Variants in PAM observed in about 807,000 individuals in gnomAD.
PAM encodes the protein peptidylglycine alpha-amidating monooxygenase.
PAM carries 72 observed loss-of-function variants against 122.1 expected under a neutral mutation model. The observed-to-expected ratio is 0.59, with a 90% CI of 0.49 to 0.72. The LOEUF is 0.72. PAM is among the 30% of genes least tolerant of loss of function. The probability of loss-of-function intolerance (pLI) is 0.00; values close to 1 mark genes in which losing one functional copy is unlikely to be tolerated. For missense variants in PAM, 1,106 were observed against 1,183.7 expected (o/e 0.93, Z 0.96); for synonymous variants, 389 against 404.4 (o/e 0.96, Z 0.46).
intron 1 of PAM, among the ~76,000 whole-genome samples, chr5:102,826,990 A>G (rs1389203628): frequency 6.6e-6 from 1 of 152,220 alleles, no homozygotes; most frequent in Admixed American, 6.5e-5. Context: ...ACTTTTAAAG[A>G]AAAGAATGCT....
chr5:102,974,506 G>GAATA, intron 15 of PAM, 70 bp downstream of exon 15: 1 of 995,918 alleles, frequency 1.0e-6, no homozygotes, highest in Non-Finnish European at 1.5e-6. Flanking sequence ...AACCTGAAGG[G>GAATA]AATAAGAATT....
At chr5:102,975,842 T>TC (rs1212685070) in intron 15 of PAM, among the ~76,000 whole-genome samples, 2 of 152,218 alleles carry the variant, frequency 1.3e-5, no homozygotes, top group Admixed American at 6.5e-5. Context: ...CTTTATTTAT[T>TC]CCATGACTTG....
At chr5:102,946,134 A>T (rs1023283917) in intron 7 of PAM, among the ~76,000 whole-genome samples, 6 of 152,122 alleles carry the variant, frequency 3.9e-5, no homozygotes, top group Non-Finnish European at 8.8e-5. Context: ...CACACCAAAC[A>T]CTGAGGCTGA....
At chr5:102,786,599 A>G (rs1041914790) in intron 1 of PAM, among the ~76,000 whole-genome samples, 1 of 152,144 alleles carries the variant, frequency 6.6e-6, no homozygotes, top group African/African-American at 2.4e-5. Context: ...TCATGGAGAA[A>G]ATGGAGAAAG....
intron 1 of PAM, among the ~76,000 whole-genome samples, chr5:102,860,392 C>T (rs1783849198): frequency 6.6e-6 from 1 of 152,100 alleles, no homozygotes. Flanking sequence ...GGGCAGAAAG[C>T]AAGGAAATGT....
At chr5:102,892,958 A>G (rs1279115299) in intron 3 of PAM, among the ~76,000 whole-genome samples, 2 of 151,816 alleles carry the variant, frequency 1.3e-5, no homozygotes, top group Non-Finnish European at 2.9e-5. Context: ...CAAAGAAAAT[A>G]AATATTTTAC....
intron 19 of PAM, 71 bp from the exon 20 acceptor site, chr5:103,007,385 GA>G: frequency 1.6e-6 from 2 of 1,251,564 alleles, no homozygotes; most frequent in Non-Finnish European, 1.2e-6. Context: ...CATGAATTTA[GA>G]AACATACTAG....
At chr5:102,921,943 A>G (rs1411093554) in intron 5 of PAM, among the ~76,000 whole-genome samples, 1 of 152,196 alleles carries the variant, frequency 6.6e-6, no homozygotes, top group Admixed American at 6.5e-5. Flanking sequence ...ACTTGCTGGC[A>G]GTGTTCTTAT....
chr5:102,981,742 TC>T, intron 15 of PAM, among the ~76,000 whole-genome samples: 1 of 152,286 alleles, frequency 6.6e-6, no homozygotes, highest in East Asian at 1.9e-4. Flanking sequence ...TTGGAGCCCA[TC>T]TAGAAGTTTC....
chr5:102,825,572 T>C (rs1773357579), intron 1 of PAM, among the ~76,000 whole-genome samples: 1 of 151,944 alleles, frequency 6.6e-6, no homozygotes, highest in Admixed American at 6.6e-5. Flanking sequence ...GGAGTATGGG[T>C]TGTGTGAACT....
chr5:102,818,156 C>T (rs1034106278), intron 1 of PAM, among the ~76,000 whole-genome samples: 1 of 148,980 alleles, frequency 6.7e-6, no homozygotes, highest in African/African-American at 2.5e-5. Flanking sequence ...TTTAACATAA[C>T]ATATTGTTTT....
At chr5:102,888,504 C>T (rs1367642290) in intron 3 of PAM, among the ~76,000 whole-genome samples, 1 of 151,940 alleles carries the variant, frequency 6.6e-6, no homozygotes, top group Non-Finnish European at 1.5e-5. Context: ...TTCTCCTTAT[C>T]TCCCAAGGCC....
At chr5:102,859,966 G>C (rs1450116052) in intron 1 of PAM, among the ~76,000 whole-genome samples, 1 of 152,162 alleles carries the variant, frequency 6.6e-6, no homozygotes, top group Admixed American at 6.6e-5. Flanking sequence ...TGTAAGTACA[G>C]CCAATGATGT....
intron 3 of PAM, among the ~76,000 whole-genome samples, chr5:102,885,062 T>G (rs934665362): frequency 6.6e-6 from 1 of 151,572 alleles, no homozygotes; most frequent in African/African-American, 2.4e-5. Flanking sequence ...GTTAACACTT[T>G]AGCAACCTTG....
chr5:102,838,146 AAGT>A (rs1220100681), intron 1 of PAM: 2 of 152,148 alleles, frequency 1.3e-5, no homozygotes, highest in Non-Finnish European at 2.9e-5. Context: ...AAATGTAAAT[AAGT>A]ATCATCAATT....
At chr5:102,984,427 C>T (rs1182694699) in intron 15 of PAM, among the ~76,000 whole-genome samples, 3 of 152,006 alleles carry the variant, frequency 2.0e-5, no homozygotes, top group East Asian at 3.9e-4. Flanking sequence ...AAAACAAGCA[C>T]GAGTAGCTAT....
chr5:102,934,080 T>C (rs887958118), intron 7 of PAM, among the ~76,000 whole-genome samples: 1 of 148,436 alleles, frequency 6.7e-6, no homozygotes, highest in African/African-American at 2.6e-5. Flanking sequence ...GGCCAGGATA[T>C]TTAAGCCTAT....
intron 1 of PAM, among the ~76,000 whole-genome samples, chr5:102,789,300 G>T (rs1296915377): frequency 6.6e-6 from 1 of 152,072 alleles, no homozygotes; most frequent in East Asian, 1.9e-4. Context: ...GTACCCAAAA[G>T]AATTGAATGC....
chr5:102,880,102 G>A (rs930929635), intron 3 of PAM, among the ~76,000 whole-genome samples: 10 of 152,184 alleles, frequency 6.6e-5, no homozygotes, highest in East Asian at 1.9e-4. Context: ...GCAACGTAAC[G>A]AAATTTCATC....
Sources: allele counts gnomAD v4.1 joint callset (sites outside exome capture counted in the v4.1 genomes callset), GRCh38; gene constraint gnomAD v4.1.1; transcripts MANE v1.5; gene names NCBI Gene and HGNC (gene_info 2026-07-23, HGNC 2026-07-21).